Variants in MED12L observed in about 807,000 individuals in gnomAD.
The protein encoded by MED12L is mediator complex subunit 12L.
Under a neutral mutation model 281.3 loss-of-function variants are expected in MED12L, and 60 were observed. The ratio of observed to expected loss-of-function variants is 0.21; its 90% confidence interval spans 0.17 to 0.26. MED12L has a LOEUF of 0.26. MED12L is among the 10% of genes least tolerant of loss of function. The probability of loss-of-function intolerance (pLI) is 1.00; values close to 1 mark genes in which losing one functional copy is unlikely to be tolerated. For synonymous variants in MED12L, 974 were observed against 987.2 expected (o/e 0.99, Z 0.25); for missense variants, 2,146 against 2,680.9 (o/e 0.80, Z 4.41).
rs917571453 is a variant in MED12L at position 151,182,494 on chromosome 3, A to T, written c.1495-2836A>T. 2.6e-5 allele frequency among the ~76,000 whole-genome samples: 4 copies of T among 152,334 alleles called. No homozygotes were observed. The South Asian group carries it at 8.3e-4, about 32-fold the overall frequency. On this transcript the variant is annotated intron_variant, in intron 11 of 44. Transcript: ENST00000687756. ...TAGCATGACGTTTGCAAGGGTGGCCAGGGAGCCTCTGGTCAGCCTGAATCC... is the reference window on the plus strand; with the variant it reads ...TAGCATGACGTTTGCAAGGGTGGCCTGGGAGCCTCTGGTCAGCCTGAATCC...
intron 16 of MED12L, chr3:151,338,889 T>C (rs1751413104): frequency 6.3e-7 from 1 of 1,593,144 alleles, no homozygotes; most frequent in East Asian, 2.2e-5. Flanking sequence ...ATGGTTATTT[T>C]CAGCCTAAGG....
At chr3:151,419,066 A>G (rs896604521) in intron 43 of MED12L, among the ~76,000 whole-genome samples, 1 of 152,226 alleles carries the variant, frequency 6.6e-6, no homozygotes, top group Admixed American at 6.5e-5. Flanking sequence ...ATTTTGAGAC[A>G]TATAGTAAAT....
At chr3:151,430,974 C>G (rs539814179) in intron 44 of MED12L, among the ~76,000 whole-genome samples, 1 of 152,048 alleles carries the variant, frequency 6.6e-6, no homozygotes, top group East Asian at 1.9e-4. Flanking sequence ...TGCTGCCTTT[C>G]TAGAGAATTT....
chr3:151,168,825 C>T (rs1202928893), intron 11 of MED12L, among the ~76,000 whole-genome samples: 1 of 152,094 alleles, frequency 6.6e-6, no homozygotes, highest in Non-Finnish European at 1.5e-5. Flanking sequence ...CATGCCTCAG[C>T]CTCCCCAGTA....
rs1723873305 is a variant in MED12L at position 151,190,811 on chromosome 3, A to G, written c.1848A>G (p.Ala616=). ...FIRHDVFSHD[A]YMCTLISRGD... is the part of the protein sequence containing the mutation. ...GCCATGATGTCTTCTCCCATGACGC[A>G]TACATGTGTACCCTCATATCTCGAG... Residue 616 remains alanine, a synonymous_variant, in exon 14 of 45, where the codon GCA becomes GCG. Coordinates refer to ENST00000687756, the MANE Select transcript of MED12L (RefSeq NM_001393769.1). 7 of 1,614,194 alleles carry G rather than the reference A, an allele frequency of 4.3e-6. No homozygotes were observed. Among genetic ancestry groups the G allele is most frequent in the Non-Finnish European group, 5.9e-6 (7 of 1,180,028 alleles).
chr3:151,214,069 C>G (rs1363705815), intron 16 of MED12L: 1 of 1,614,100 alleles, frequency 6.2e-7, no homozygotes, highest in Non-Finnish European at 8.5e-7. Context: ...GGGACCAAGG[C>G]CTGAGTCACC....
At chr3:151,157,789 G>A (rs1210036935) in intron 6 of MED12L, among the ~76,000 whole-genome samples, 7 of 152,158 alleles carry the variant, frequency 4.6e-5, no homozygotes, top group African/African-American at 1.7e-4. Flanking sequence ...TGGAACACTG[G>A]TAATACATAA....
chr3:151,334,192 C>CTTTTTTTTTTTTTTTTTTTTTTT (rs71848482), intron 16 of MED12L, among the ~76,000 whole-genome samples: 8 of 99,446 alleles, frequency 8.0e-5, no homozygotes, highest in East Asian at 6.5e-4. Context: ...TTCTTTCTTT[C>CTTTTTTTTTTTTTTTTTTTTTTT]TTTCTTTTTT....
Position 151,306,614 on chromosome 3 carries a change from C to A in MED12L, c.2251-43445C>A, listed in dbSNP as rs114741289. On this transcript the variant is annotated intron_variant, in intron 16 of 44. Transcript: ENST00000687756. ...GCCTTGTGGTCCACACAGAGCCAGC[C>A]TGCTGTTGCAGTTCACTGGATTGGA... is the stretch of plus-strand genomic sequence containing the variant. 9.0e-3 allele frequency among the ~76,000 whole-genome samples: 1,367 copies of A among 152,340 alleles called. 28 individuals carry two copies. Among genetic ancestry groups the A allele is most frequent in the African/African-American group, 0.032 (1,310 of 41,578 alleles).
intron 16 of MED12L, among the ~76,000 whole-genome samples, chr3:151,229,770 A>T (rs1214881448): frequency 6.6e-6 from 1 of 151,646 alleles, no homozygotes; most frequent in African/African-American, 2.4e-5. Flanking sequence ...AGGCGAACTG[A>T]GCAATTCTTA....
At chr3:151,191,636 G>A (rs1161887219) in intron 14 of MED12L, among the ~76,000 whole-genome samples, 1 of 152,186 alleles carries the variant, frequency 6.6e-6, no homozygotes, top group Non-Finnish European at 1.5e-5. Context: ...CCTGGGCACG[G>A]TGGCTGATGC....
chr3:151,238,950 G>A (rs1201107229), intron 16 of MED12L, among the ~76,000 whole-genome samples: 2 of 152,096 alleles, frequency 1.3e-5, no homozygotes, highest in Non-Finnish European at 2.9e-5. Context: ...TGGGTGTTTG[G>A]CAAACATTTT....
At chr3:151,225,479 G>T (rs1267154294) in intron 16 of MED12L, among the ~76,000 whole-genome samples, 1 of 152,158 alleles carries the variant, frequency 6.6e-6, no homozygotes, top group Non-Finnish European at 1.5e-5. Context: ...AACTTCTGCA[G>T]TAATACCATT....
At chr3:151,351,249 G>A (rs147605994) in intron 17 of MED12L, among the ~76,000 whole-genome samples, 121 of 152,198 alleles carry the variant, frequency 8.0e-4, no homozygotes, top group African/African-American at 2.0e-3. Context: ...CTTTCTTCCC[G>A]GTCAATCATG....
intron 16 of MED12L, chr3:151,212,575 C>T (rs1046960437): frequency 2.0e-5 from 3 of 152,050 alleles, no homozygotes; most frequent in African/African-American, 7.2e-5. Flanking sequence ...GTAAAGCCTA[C>T]TTAAAAATAT....
At chr3:151,296,643 C>T (rs1401935829) in intron 16 of MED12L, among the ~76,000 whole-genome samples, 1 of 151,956 alleles carries the variant, frequency 6.6e-6, no homozygotes, top group African/African-American at 2.4e-5. Flanking sequence ...TGCTTGTCCC[C>T]ATTTTCCCTG....
intron 35 of MED12L, 65 bp from the exon 36 acceptor site, chr3:151,384,965 A>C (rs1344591638): frequency 3.5e-6 from 3 of 866,886 alleles, no homozygotes; most frequent in Non-Finnish European, 5.8e-6. Flanking sequence ...CCTTCTGGTT[A>C]ACTTTTGCCT....
rs373158804 is a variant in MED12L at position 151,375,983 on chromosome 3, C to T, written c.3865-43C>T. The stretch of plus-strand genomic sequence containing the variant: ...TAGTACATATTGCATATATATATAC[C>T]GAAAGCCAGTGCCTGTCAATCTAAT... On this transcript the variant is annotated intron_variant, in intron 27 of 44. Transcript: ENST00000687756. The T allele has an allele frequency of 8.1e-5, 76 of 942,480 alleles. 1 individual carries two copies. In the South Asian group the frequency reaches 9.9e-4, roughly 12 times the overall value. 58.4% of individuals were successfully genotyped at this position (942,480 alleles called of 1,614,324 possible). A position where few individuals can be genotyped will look rare whatever the true frequency, so the allele number is the denominator to read the frequency against.
chr3:151,189,630 C>CA (rs1287464935), intron 13 of MED12L, among the ~76,000 whole-genome samples: 1 of 152,126 alleles, frequency 6.6e-6, no homozygotes, highest in Non-Finnish European at 1.5e-5. Flanking sequence ...TGCTCATCAC[C>CA]GAGTTTGGTA....
Sources: gnomAD v4.1 joint callset for allele counts (sites outside exome capture counted in the v4.1 genomes callset) on GRCh38, gnomAD v4.1.1 for gene constraint, MANE v1.5 for transcripts, NCBI Gene and HGNC (gene_info 2026-07-23, HGNC 2026-07-21) for gene names.